Variants in NALCN observed in about 807,000 individuals in gnomAD.
NALCN encodes the protein sodium leak channel, non-selective.
In NALCN, 111 loss-of-function variants were observed where a neutral mutation model predicts 225.3. That is an observed-to-expected ratio of 0.49 (90% CI 0.42 to 0.58). The LOEUF (loss-of-function observed/expected upper bound fraction) is 0.58. Among genes scored for constraint, NALCN ranks in the 20% least tolerant of loss-of-function variants. The pLI, the probability that NALCN is intolerant of heterozygous loss-of-function variation, is 0.00. For missense variants in NALCN, 1,378 were observed against 2,202.4 expected, an observed-to-expected ratio of 0.63 and a Z score of 7.49; for synonymous variants, 764 against 769.0, an observed-to-expected ratio of 0.99 and a Z score of 0.11.
At chr13:101,256,545 T>A (rs1198793518) in intron 11 of NALCN, among the ~76,000 whole-genome samples, 1 of 152,152 alleles carries the variant, frequency 6.6e-6, no homozygotes, top group Non-Finnish European at 1.5e-5. Context: ...AATGTTGCAT[T>A]TGCTGTATTG....
At chr13:101,383,962 TA>T (rs1308683190) in intron 3 of NALCN, among the ~76,000 whole-genome samples, 17 of 152,222 alleles carry the variant, frequency 1.1e-4, no homozygotes, top group African/African-American at 3.9e-4. Flanking sequence ...ATAATACTTT[TA>T]AATAAGTAGA....
chr13:101,095,484 A>G, intron 28 of NALCN, 90 bp downstream of exon 28: 3 of 998,082 alleles, frequency 3.0e-6, no homozygotes, highest in Non-Finnish European at 4.5e-6. Flanking sequence ...TAGCAAAACT[A>G]CTTTTAGTTA....
intron 7 of NALCN, among the ~76,000 whole-genome samples, chr13:101,342,786 A>G (rs1274626860): frequency 2.0e-5 from 3 of 152,160 alleles, no homozygotes; most frequent in Non-Finnish European, 4.4e-5. Context: ...TTACTCTTCA[A>G]TCTTACAACA....
At chr13:101,307,652 T>C (rs1031297956) in intron 7 of NALCN, among the ~76,000 whole-genome samples, 1 of 152,192 alleles carries the variant, frequency 6.6e-6, no homozygotes, top group Non-Finnish European at 1.5e-5. Flanking sequence ...ATTCTGCTTT[T>C]AAAGTTAAAC....
At chr13:101,240,362 TC>T (rs2041714192) in intron 11 of NALCN, among the ~76,000 whole-genome samples, 1 of 151,940 alleles carries the variant, frequency 6.6e-6, no homozygotes, top group East Asian at 1.9e-4. Context: ...TCTCTATCTA[TC>T]TATGTATTTT....
rs142391158 is a variant in NALCN, at chr13:101,197,114, T to C, written c.1627-5060A>G. Among the ~76,000 whole-genome samples, 651 of 152,296 alleles carry C rather than the reference T, an allele frequency of 4.3e-3. 7 individuals carry two copies. Among genetic ancestry groups the C allele is most frequent in the African/African-American group, 0.015 (612 of 41,562 alleles). Reference sequence around the variant, plus strand: ...CTCTGGAACAAGTGGCTTCTATACATGAGTGGTTCTTATCACTTTCCAGGG... The same window carrying C: ...CTCTGGAACAAGTGGCTTCTATACACGAGTGGTTCTTATCACTTTCCAGGG... On this transcript the variant is annotated intron_variant, in intron 13 of 43. Transcript: ENST00000251127.
At chr13:101,177,409 G>A (rs369205603) in intron 14 of NALCN, among the ~76,000 whole-genome samples, 1 of 124,324 alleles carries the variant, frequency 8.0e-6, no homozygotes, top group Non-Finnish European at 1.8e-5. Context: ...GTAAATACGA[G>A]TATATATATA....
At chr13:101,223,644 G>C (rs1012114189) in intron 13 of NALCN, among the ~76,000 whole-genome samples, 1 of 151,968 alleles carries the variant, frequency 6.6e-6, no homozygotes, top group African/African-American at 2.4e-5. Flanking sequence ...AAAATGAATG[G>C]CATTCTAAAA....
intron 40 of NALCN, among the ~76,000 whole-genome samples, chr13:101,065,196 C>T (rs1159207894): frequency 6.6e-6 from 1 of 152,228 alleles, no homozygotes; most frequent in East Asian, 1.9e-4. Flanking sequence ...GCCCAGCCCT[C>T]CCCTGCGAGG....
chr13:101,274,703 A>G (rs2042915426), intron 10 of NALCN, among the ~76,000 whole-genome samples: 1 of 152,200 alleles, frequency 6.6e-6, no homozygotes, highest in Non-Finnish European at 1.5e-5. Flanking sequence ...TTGTAAGTTT[A>G]TAGTAACTAC....
At chr13:101,173,259 T>C (rs1270846931) in intron 15 of NALCN, among the ~76,000 whole-genome samples, 1 of 152,258 alleles carries the variant, frequency 6.6e-6, no homozygotes, top group African/African-American at 2.4e-5. Flanking sequence ...GCCTTTGTTA[T>C]CTACAACATC....
At chr13:101,370,218 A>G (rs917813320) in intron 6 of NALCN, among the ~76,000 whole-genome samples, 1 of 152,206 alleles carries the variant, frequency 6.6e-6, no homozygotes, top group South Asian at 2.1e-4. Context: ...AGAAAAAAAA[A>G]TAGCTATGGA....
At chr13:101,192,205 A>G in intron 13 of NALCN, 151 bp from the exon 14 acceptor site, 1 of 735,826 alleles carries the variant, frequency 1.4e-6, no homozygotes, top group Non-Finnish European at 2.0e-6. Flanking sequence ...CATAGGAAAG[A>G]TATAAGAATA....
chr13:101,083,344 A>C lies in NALCN; in HGVS notation c.3584-146T>G, dbSNP rs1001955813. The C allele has an allele frequency of 4.4e-6, 3 of 681,266 alleles. No homozygotes were observed. In the African/African-American group the frequency reaches 5.4e-5, roughly 12 times the overall value. The allele number at this position is 681,266 out of a possible 1,614,324, so 42.2% of individuals were successfully genotyped here. The stretch of plus-strand genomic sequence containing the variant: ...TCTATTGTGAGGTGTTTTTGCAGCA[A>C]TGGCTGGCTCTGAATATTCAAAACG... On this transcript the variant is annotated intron_variant, in intron 31 of 43. Transcript: ENST00000251127.
intron 17 of NALCN, among the ~76,000 whole-genome samples, chr13:101,141,565 C>T (rs2037078215): frequency 6.6e-6 from 1 of 151,290 alleles, no homozygotes; most frequent in Admixed American, 6.6e-5. Flanking sequence ...CAGCAGAGAA[C>T]CTGGGAGCTG....
At chr13:101,306,809 T>C (rs935031137) in intron 7 of NALCN, among the ~76,000 whole-genome samples, 23 of 152,216 alleles carry the variant, frequency 1.5e-4, no homozygotes, top group African/African-American at 5.5e-4. Flanking sequence ...GAAGTGCTAC[T>C]GTGGGTTGGA....
intron 7 of NALCN, among the ~76,000 whole-genome samples, chr13:101,307,181 A>T (rs1241444188): frequency 6.6e-6 from 1 of 151,980 alleles, no homozygotes; most frequent in Non-Finnish European, 1.5e-5. Context: ...TTGGAGAAAA[A>T]CCTCATGTTT....
chr13:101,223,197 AAC>A (rs1454899139), intron 13 of NALCN, among the ~76,000 whole-genome samples: 1 of 152,244 alleles, frequency 6.6e-6, no homozygotes, highest in East Asian at 1.9e-4. Flanking sequence ...AATTCCCATA[AAC>A]ACATAACCCC....
rs139776873 is a variant in NALCN at position 101,415,838 on chromosome 13, A to T, written c.-40+475T>A. The stretch of plus-strand genomic sequence containing the variant: ...CCTCCCCACCCGCGCGTTGGCCCAG[A>T]GGTTTACCCAGGCAGCGGCCCTGGT... On this transcript the variant is annotated intron_variant, in intron 1 of 43. Transcript: ENST00000251127. 1.0e-3 allele frequency among the ~76,000 whole-genome samples: 148 copies of T among 148,616 alleles called. 4 individuals carry two copies. The East Asian group carries it at 0.03, about 31-fold the overall frequency.
Sources: gnomAD v4.1 joint callset for allele counts (sites outside exome capture counted in the v4.1 genomes callset) on GRCh38, gnomAD v4.1.1 for gene constraint, MANE v1.5 for transcripts, NCBI Gene and HGNC (gene_info 2026-07-23, HGNC 2026-07-21) for gene names.